Variants in CSMD1 observed in about 807,000 individuals in gnomAD.
The protein encoded by CSMD1 is CUB and sushi domain-containing protein 1.
A neutral mutation model predicts 417.5 loss-of-function variants in CSMD1; 213 were observed. The observed-to-expected ratio is 0.51, with a 90% CI of 0.46 to 0.57. CSMD1 has a LOEUF of 0.57. CSMD1 is among the 20% of genes least tolerant of loss of function. The probability of loss-of-function intolerance (pLI) is 0.00; values close to 1 mark genes in which losing one functional copy is unlikely to be tolerated. For synonymous variants in CSMD1, 2,862 were observed against 1,736.8 expected, an observed-to-expected ratio of 1.65 and a Z score of -16.11; for missense variants, 6,923 against 4,529.7, an observed-to-expected ratio of 1.53 and a Z score of -15.17.
intron 1 of CSMD1, among the ~76,000 whole-genome samples, chr8:4,767,644 C>T (rs541005606): frequency 3.3e-5 from 5 of 152,306 alleles, no homozygotes; most frequent in Admixed American, 6.5e-5. Context: ...CTTCGTCTTT[C>T]GTTATTCTAC....
chr8:4,804,564 G>A (rs995657480), intron 1 of CSMD1, among the ~76,000 whole-genome samples: 3 of 151,616 alleles, frequency 2.0e-5, no homozygotes, highest in Admixed American at 1.3e-4. Flanking sequence ...ACACTGGGAG[G>A]GAGGGAATTA....
rs548307232 is a variant in CSMD1, at chr8:4,748,957, A to C, written c.86-111399T>G. ...AATTCTGCTTCCTTAACTCACTACA[A>C]TTCTTCTAATAAGTTCTAAGCTACT... is the stretch of plus-strand genomic sequence containing the variant. On this transcript the variant is annotated intron_variant, in intron 1 of 69. Coordinates refer to ENST00000635120, the MANE Select transcript of CSMD1 (RefSeq NM_033225.6). Among the ~76,000 whole-genome samples, 9 of 152,254 alleles carry C rather than the reference A, an allele frequency of 5.9e-5. No individual in the cohort carries two copies. The South Asian group carries it at 8.3e-4, about 14-fold the overall frequency.
intron 2 of CSMD1, among the ~76,000 whole-genome samples, chr8:4,517,353 G>A (rs781456999): frequency 6.6e-5 from 10 of 152,166 alleles, no homozygotes; most frequent in Non-Finnish European, 8.8e-5. Flanking sequence ...CTAATTTGCT[G>A]TCAGTGCAGT....
intron 3 of CSMD1, among the ~76,000 whole-genome samples, chr8:4,212,751 CTTTTTTTTTT>C (rs5889027): frequency 1.0e-5 from 1 of 99,268 alleles, no homozygotes; most frequent in Non-Finnish European, 1.9e-5. Context: ...CGGCCTTATT[CTTTTTTTTTT>C]TTTTTTTTTT....
chr8:4,550,772 G>C (rs1029820667), intron 2 of CSMD1, among the ~76,000 whole-genome samples: 3 of 152,200 alleles, frequency 2.0e-5, no homozygotes, highest in Admixed American at 6.5e-5. Context: ...CCCGGAGGCA[G>C]TTTAATCATC....
At chr8:4,915,463 T>A (rs1401579334) in intron 1 of CSMD1, among the ~76,000 whole-genome samples, 1 of 152,202 alleles carries the variant, frequency 6.6e-6, no homozygotes, top group Non-Finnish European at 1.5e-5. Context: ...CGTACAATCT[T>A]CCTTTCCTCA....
intron 1 of CSMD1, among the ~76,000 whole-genome samples, chr8:4,987,719 G>A (rs1427547691): frequency 2.6e-5 from 4 of 152,156 alleles, no homozygotes; most frequent in Non-Finnish European, 4.4e-5. Flanking sequence ...TTGAGTCAAC[G>A]GACTGGGAGG....
chr8:3,230,363 C>T (rs1052329121), intron 26 of CSMD1, 132 bp from the exon 27 acceptor site: 13 of 557,834 alleles, frequency 2.3e-5, no homozygotes, highest in Admixed American at 1.2e-4. Context: ...CATGAACATA[C>T]GAAAATAGTT....
intron 4 of CSMD1, among the ~76,000 whole-genome samples, chr8:4,008,771 T>C (rs1238964419): frequency 6.6e-6 from 1 of 151,886 alleles, no homozygotes; most frequent in East Asian, 1.9e-4. Context: ...GCACCACGCC[T>C]GGCTAATTTT....
intron 2 of CSMD1, among the ~76,000 whole-genome samples, chr8:4,555,873 A>G (rs1179904135): frequency 1.3e-5 from 2 of 152,144 alleles, no homozygotes; most frequent in Admixed American, 6.5e-5. Context: ...GACTGAAAAG[A>G]CTTTCTTTAA....
chr8:3,515,906 A>G (rs1797263319), intron 10 of CSMD1, among the ~76,000 whole-genome samples: 2 of 152,234 alleles, frequency 1.3e-5, no homozygotes, highest in South Asian at 4.1e-4. Context: ...GTGTTTGGTT[A>G]CAGCAGAAGG....
chr8:3,381,081 G>C (rs1225938509), intron 18 of CSMD1, among the ~76,000 whole-genome samples: 1 of 152,072 alleles, frequency 6.6e-6, no homozygotes, highest in Non-Finnish European at 1.5e-5. Context: ...GGGTATATCA[G>C]TTTTCATTAC....
At chr8:4,408,194 T>G (rs547208921) in intron 3 of CSMD1, among the ~76,000 whole-genome samples, 1 of 152,356 alleles carries the variant, frequency 6.6e-6, no homozygotes, top group Non-Finnish European at 1.5e-5. Context: ...AAATCAGTGT[T>G]GCAAGTTGAC....
intron 2 of CSMD1, among the ~76,000 whole-genome samples, chr8:4,618,300 C>CTTATTCT (rs1801590167): frequency 1.3e-5 from 2 of 151,598 alleles, no homozygotes; most frequent in African/African-American, 2.4e-5. Flanking sequence ...TCAGCCATGT[C>CTTATTCT]CCTCATAAGC....
At chr8:3,028,239 G>C (rs1810089434) in intron 51 of CSMD1, among the ~76,000 whole-genome samples, 1 of 152,162 alleles carries the variant, frequency 6.6e-6, no homozygotes, top group South Asian at 2.1e-4. Context: ...TAGAGTTCCT[G>C]ACTCCTTCTC....
At chr8:3,971,160 T>C (rs906165413) in intron 5 of CSMD1, among the ~76,000 whole-genome samples, 1 of 151,350 alleles carries the variant, frequency 6.6e-6, no homozygotes, top group Non-Finnish European at 1.5e-5. Context: ...TTACGCTGCC[T>C]CCTGGCATGA....
intron 2 of CSMD1, among the ~76,000 whole-genome samples, chr8:4,533,722 C>A: frequency 6.6e-6 from 1 of 151,664 alleles, no homozygotes; most frequent in East Asian, 1.9e-4. Context: ...GAGAGAAAAA[C>A]CTAAAAATAC....
intron 1 of CSMD1, among the ~76,000 whole-genome samples, chr8:4,660,087 T>C (rs1804496091): frequency 7.5e-6 from 1 of 133,102 alleles, no homozygotes; most frequent in African/African-American, 2.8e-5. Context: ...TCTTATTCAA[T>C]ATATAATTGG....
In CSMD1 at chr8:3,317,401, G is replaced by C. The variant is rs181474344; in HGVS notation, c.3632-8898C>G. Among the ~76,000 whole-genome samples the C allele has an allele frequency of 6.6e-5, 10 of 152,322 alleles. No individual in the cohort carries two copies. In the South Asian group the frequency reaches 1.2e-3, roughly 19 times the overall value. The stretch of plus-strand genomic sequence containing the variant: ...AATAATTACCCAAGCTATAGGCATA[G>C]ACAGTATGAGTCAACATTGACACTC... On this transcript the variant is annotated intron_variant, in intron 23 of 69. Coordinates refer to ENST00000635120, the MANE Select transcript of CSMD1 (RefSeq NM_033225.6).
Sources: gnomAD v4.1 joint callset for allele counts (sites outside exome capture counted in the v4.1 genomes callset) on GRCh38, gnomAD v4.1.1 for gene constraint, MANE v1.5 for transcripts, NCBI Gene and HGNC (gene_info 2026-07-23, HGNC 2026-07-21) for gene names.